The following ZBED4 variants were observed in gnomAD, a reference collection of about 807,000 sequenced individuals.
ZBED4 encodes zinc finger BED domain-containing protein 4.
Under a neutral mutation model 15.5 loss-of-function variants are expected in ZBED4, and 4 were observed. The ratio of observed to expected loss-of-function variants is 0.26; its 90% CI spans 0.13 to 0.59. The LOEUF (loss-of-function observed/expected upper bound fraction) is 0.59, where lower values mean the gene tolerates loss of function less well. Among genes scored for constraint, ZBED4 ranks in the 20% least tolerant of loss-of-function variants. The pLI is 0.90. For missense variants in ZBED4, 1,323 were observed against 1,461.8 expected (o/e 0.91, Z 1.55); for synonymous variants, 692 against 608.5 (o/e 1.14, Z -2.02).
At chr22:49,865,385 C>T (rs1419175596) in intron 1 of ZBED4, among the ~76,000 whole-genome samples, 1 of 152,078 alleles carries the variant, frequency 6.6e-6, no homozygotes, top group Non-Finnish European at 1.5e-5. Context: ...CGCAGTGGCT[C>T]ACGCCTCTAA....
In ZBED4 at chr22:49,888,951, G is replaced by A. The variant is rs536188485; in HGVS notation, c.*1773G>A. On this transcript the variant is annotated 3_prime_UTR_variant, in exon 2 of 2. Transcript: ENST00000216268. Reference sequence around the variant, plus strand: ...ACAGTTCTTGCTTAGCTGTGCTCACGACCAGCTTGCAGTCCTGTGTTTCTT... The same window carrying A: ...ACAGTTCTTGCTTAGCTGTGCTCACAACCAGCTTGCAGTCCTGTGTTTCTT... 88 of 167,384 alleles carry A rather than the reference G, an allele frequency of 5.3e-4. No homozygotes were observed. The highest frequency in any genetic ancestry group is 1.0e-3 in the Non-Finnish European group (71 of 68,128). The allele number at this position is 167,384 out of a possible 1,614,324, so 10.4% of individuals were successfully genotyped here. A position where few individuals can be genotyped will look rare whatever the true frequency, so the allele number is the denominator to read the frequency against.
intron 1 of ZBED4, among the ~76,000 whole-genome samples, chr22:49,862,700 T>G: frequency 7.1e-6 from 1 of 141,336 alleles, no homozygotes; most frequent in East Asian, 2.2e-4. Context: ...TTCCTTTTTT[T>G]TTTTTTTTTT....
rs372704365 is a variant in ZBED4 at position 49,878,426 on chromosome 22, C to T, written c.-329-4908C>T. On this transcript the variant is annotated intron_variant, in intron 1 of 1. Transcript: ENST00000216268. ...AACACCGAAGAAGAGATTGGTGGAG[C>T]GATAGAGAATCCAGAAATAGATCCA... is the stretch of plus-strand genomic sequence containing the variant. 2.0e-3 allele frequency among the ~76,000 whole-genome samples: 301 copies of T among 151,474 alleles called. 2 individuals are homozygous for T. Among genetic ancestry groups the T allele is most frequent in the Middle Eastern group, 0.014 (4 of 292 alleles).
chr22:49,880,000 G>T (rs1420764141), intron 1 of ZBED4, among the ~76,000 whole-genome samples: 2 of 151,536 alleles, frequency 1.3e-5, no homozygotes, highest in African/African-American at 4.8e-5. Context: ...CGCAGGTCTG[G>T]TTGTTTTTGT....
intron 1 of ZBED4, among the ~76,000 whole-genome samples, chr22:49,863,336 A>C (rs1242584161): frequency 6.6e-6 from 1 of 151,548 alleles, no homozygotes; most frequent in Non-Finnish European, 1.5e-5. Context: ...AGTTTTAAAA[A>C]TTTTTTTGTA....
intron 1 of ZBED4, among the ~76,000 whole-genome samples, chr22:49,868,511 G>A (rs548258095): frequency 3.3e-5 from 5 of 152,214 alleles, no homozygotes; most frequent in East Asian, 1.9e-4. Context: ...CTCATGAGGC[G>A]GAGGTTGCAG....
chr22:49,872,510 C>A (rs1349009228), intron 1 of ZBED4, among the ~76,000 whole-genome samples: 1 of 152,088 alleles, frequency 6.6e-6, no homozygotes, highest in Admixed American at 6.6e-5. Flanking sequence ...ATTTTCCCGT[C>A]CCAGGAATCA....
chr22:49,870,215 C>G (rs1282843112), intron 1 of ZBED4, among the ~76,000 whole-genome samples: 1 of 152,160 alleles, frequency 6.6e-6, no homozygotes, highest in African/African-American at 2.4e-5. Flanking sequence ...TTTTCCTTAT[C>G]CAGTCCACCA....
chr22:49,886,610 G>T lies in ZBED4; in HGVS notation c.2948G>T (p.Arg983Leu), dbSNP rs773959905. The T allele has an allele frequency of 6.4e-7, 1 of 1,573,274 alleles. No individual in the cohort carries two copies. Among genetic ancestry groups the T allele is most frequent in the Non-Finnish European group, 8.6e-7 (1 of 1,160,058 alleles). The stretch of plus-strand genomic sequence containing the variant: ...ACGATGGGCATCGACACCATGCTGC[G>T]CTCTCTGAAGGAGGCCATGGTGAGC... Reference protein sequence around the residue: ...EETMGIDTMLRSLKEAMVSRL... With the variant: ...EETMGIDTMLLSLKEAMVSRL... Residue 983 changes from arginine to leucine, a missense_variant, in exon 2 of 2, where the codon CGC becomes CTC. Transcript: ENST00000216268. This position sits in a 1 kb window ranked among gnomAD's most constrained non-coding sequence, Gnocchi z 7.7.
chr22:49,854,415 C>T lies in ZBED4; in HGVS notation c.-330+426C>T, dbSNP rs561222069. On this transcript the variant is annotated intron_variant, in intron 1 of 1. Transcript: ENST00000216268. ...GGACGTGTCATTCCCGTCCCACCTCCAGGAAGGGCCACCTGGGCCCTGCTT... is the reference window on the plus strand; with the variant it reads ...GGACGTGTCATTCCCGTCCCACCTCTAGGAAGGGCCACCTGGGCCCTGCTT... Among the ~76,000 whole-genome samples the T allele has an allele frequency of 6.6e-4, 101 of 152,266 alleles. No individual in the cohort carries two copies. In the South Asian group the frequency reaches 0.02, roughly 30 times the overall value.
upstream of ZBED4, among the ~76,000 whole-genome samples, chr22:49,853,582 G>C (rs1405555410): frequency 6.6e-6 from 1 of 152,060 alleles, no homozygotes; most frequent in Non-Finnish European, 1.5e-5. Context: ...CCTTCCCGTC[G>C]CCCGCCAGCG....
At chr22:49,873,005 A>AT (rs2060356333) in intron 1 of ZBED4, among the ~76,000 whole-genome samples, 1 of 151,908 alleles carries the variant, frequency 6.6e-6, no homozygotes, top group Admixed American at 6.6e-5. Context: ...CAATGTTTTA[A>AT]TTTTTTGTAG....
At chr22:49,860,463 A>G (rs2060291919) in intron 1 of ZBED4, among the ~76,000 whole-genome samples, 1 of 152,246 alleles carries the variant, frequency 6.6e-6, no homozygotes. Context: ...CCACTCCTGT[A>G]AGAAAACTGC....
At position 49,883,971 on chromosome 22, in the gene ZBED4, C is replaced by T; in HGVS notation, c.309C>T (p.Thr103=). 6.2e-7 allele frequency: 1 copy of T among 1,613,404 alleles called. No homozygotes were observed. Among genetic ancestry groups the T allele is most frequent in the South Asian group, 1.1e-5 (1 of 91,042 alleles). Residue 103 remains threonine (T), a synonymous_variant, in exon 2 of 2, where the codon ACC becomes ACT. Coordinates refer to ENST00000216268, the MANE Select transcript of ZBED4 (RefSeq NM_014838.3). Reference sequence around the variant, plus strand: ...ACGACGTGGCCATGGAGGCCGTGACCCAGAGCCTCCTTTCCAGCCGGAACA... The same window carrying T: ...ACGACGTGGCCATGGAGGCCGTGACTCAGAGCCTCCTTTCCAGCCGGAACA... ...TLYDVAMEAV[T]QSLLSSRNMS... is the part of the protein sequence containing the mutation.
At position 49,886,363 on chromosome 22, in the gene ZBED4, C is replaced by T. The variant is rs2060438931; in HGVS notation, c.2701C>T (p.Arg901Trp). 5.6e-6 allele frequency: 9 copies of T among 1,609,884 alleles called. No individual in the cohort carries two copies. Among genetic ancestry groups the T allele is most frequent in the African/African-American group, 1.3e-5 (1 of 74,872 alleles). The change falls in exon 2 of 2, where the codon CGG (arginine) becomes TGG (tryptophan). Residue 901 changes from arginine to tryptophan, a missense_variant. By Grantham distance (101) the Arg-to-Trp change is moderately radical. Around this residue, in one of 6 missense-constraint regions of ZBED4, gnomAD observed 312 missense variants for 410.7 expected, o/e 0.76. Transcript: ENST00000216268. This position sits in a 1 kb window ranked among gnomAD's most constrained non-coding sequence, Gnocchi z 7.7. The part of the protein sequence containing the change: ...KWSTSFHMLE[R>W]LIEQKRAINE... ...GAGCACTTCCTTCCACATGCTCGAG[C>T]GGCTCATTGAGCAGAAAAGGGCCAT...
At chr22:49,869,131 A>G (rs1335036331) in intron 1 of ZBED4, among the ~76,000 whole-genome samples, 1 of 151,824 alleles carries the variant, frequency 6.6e-6, no homozygotes, top group Non-Finnish European at 1.5e-5. Context: ...CAAAAAAAAA[A>G]AAAAAAGAAA....
chr22:49,855,879 T>A (rs2060273042), intron 1 of ZBED4, among the ~76,000 whole-genome samples: 1 of 152,230 alleles, frequency 6.6e-6, no homozygotes, highest in Non-Finnish European at 1.5e-5. Context: ...GACCTGAGAA[T>A]GTACCTATAG....
At chr22:49,882,675 A>T (rs2060415555) in intron 1 of ZBED4, among the ~76,000 whole-genome samples, 1 of 152,266 alleles carries the variant, frequency 6.6e-6, no homozygotes, top group South Asian at 2.1e-4. Context: ...AGCGTTTACC[A>T]TAGCTGGAAT....
At chr22:49,864,542 C>A (rs2060311202) in intron 1 of ZBED4, among the ~76,000 whole-genome samples, 1 of 152,150 alleles carries the variant, frequency 6.6e-6, no homozygotes, top group South Asian at 2.1e-4. Flanking sequence ...GGAGCCTGGG[C>A]ATGGTGGCTT....
Sources: allele counts gnomAD v4.1 joint callset (sites outside exome capture counted in the v4.1 genomes callset), GRCh38; gene constraint gnomAD v4.1.1; regional missense constraint gnomAD v4.1.1; non-coding constraint Gnocchi (gnomAD v3.1); transcripts MANE v1.5; gene names NCBI Gene and HGNC (gene_info 2026-07-23, HGNC 2026-07-21).